The following ODAD4 variants were observed in gnomAD, a reference collection of about 807,000 sequenced individuals.
The protein encoded by ODAD4 is outer dynein arm docking complex subunit 4, also known as outer dynein arm-docking complex subunit 4.
In ODAD4, 49 loss-of-function variants were observed where a neutral mutation model predicts 51.8. The ratio of observed to expected loss-of-function variants is 0.95; its 90% CI spans 0.75 to 1.20. ODAD4 has a LOEUF of 1.20. ODAD4 is among the 50% of genes most tolerant of loss of function. The probability of loss-of-function intolerance (pLI) is 0.00; values close to 1 mark genes in which losing one functional copy is unlikely to be tolerated. For synonymous variants in ODAD4, 235 were observed against 221.3 expected (o/e 1.06, Z -0.55); for missense variants, 590 against 586.5 (o/e 1.01, Z -0.06).
chr17:41,954,534 GA>G (rs1378354316), intron 9 of ODAD4, among the ~76,000 whole-genome samples: 3 of 151,492 alleles, frequency 2.0e-5, no homozygotes, highest in Admixed American at 1.3e-4. Flanking sequence ...TATCATTTTT[GA>G]AAAAAATGAA....
intron 1 of ODAD4, 44 bp downstream of exon 1, chr17:41,930,881 CTTTTTTTTTTTTT>C (rs782820445): frequency 3.5e-4 from 34 of 97,230 alleles, no homozygotes; most frequent in African/African-American, 8.2e-4. Context: ...TCACCCGTCA[CTTTTTTTTTTTTT>C]TTTTTTTTTT....
chr17:41,945,381 C>G (rs918688200), intron 8 of ODAD4, 159 bp downstream of exon 8: 14 of 617,782 alleles, frequency 2.3e-5, no homozygotes, highest in Non-Finnish European at 1.4e-5. Context: ...GCATACTGTC[C>G]TGTGCCTGTG....
chr17:41,939,357 G>C (rs985644747), intron 7 of ODAD4, among the ~76,000 whole-genome samples, 185 bp downstream of exon 7: 5 of 152,182 alleles, frequency 3.3e-5, no homozygotes, highest in Non-Finnish European at 7.3e-5. Flanking sequence ...TAGACTGTTA[G>C]CTTTTTTGCC....
chr17:41,945,341 TACA>T (rs782051080), intron 8 of ODAD4, 119 bp downstream of exon 8: 4 of 368,454 alleles, frequency 1.1e-5, no homozygotes, highest in Non-Finnish European at 1.8e-5. Flanking sequence ...ACTCCCTCTC[TACA>T]AAAAAAAAAA....
chr17:41,931,225 CT>C (rs1216701203), intron 1 of ODAD4, among the ~76,000 whole-genome samples: 4 of 152,078 alleles, frequency 2.6e-5, no homozygotes, highest in African/African-American at 9.7e-5. Flanking sequence ...GCAGATAACA[CT>C]GAGGTCTTGA....
chr17:41,937,302 T>G (rs2050442874), intron 5 of ODAD4, among the ~76,000 whole-genome samples: 1 of 152,212 alleles, frequency 6.6e-6, no homozygotes, highest in African/African-American at 2.4e-5. Context: ...AGCGGATATG[T>G]GCTTAAATCC....
At position 41,936,938 on chromosome 17, in the gene ODAD4, C is replaced by A. The variant is rs185273543; in HGVS notation, c.625+11C>A. 68 of 1,612,310 alleles carry A rather than the reference C, an allele frequency of 4.2e-5. No individual in the cohort carries two copies. In the African/African-American group the frequency reaches 7.5e-4, roughly 18 times the overall value. On this transcript the variant is annotated intron_variant, in intron 5 of 11. Coordinates refer to ENST00000377540, the MANE Select transcript of ODAD4 (RefSeq NM_031421.5). ...TCCTATTGGATGAAGGTTTCGGACACTTTGTTGGCACGGGGCCTTGGGGGA... is the reference window on the plus strand; with the variant it reads ...TCCTATTGGATGAAGGTTTCGGACAATTTGTTGGCACGGGGCCTTGGGGGA...
At chr17:41,964,069 T>C (rs1337892502) in intron 11 of ODAD4, among the ~76,000 whole-genome samples, 2 of 151,100 alleles carry the variant, frequency 1.3e-5, no homozygotes, top group Non-Finnish European at 3.0e-5. Context: ...GTTAATTTTT[T>C]TTTTTTTTGA....
chr17:41,945,258 T>C (rs2050570197), intron 8 of ODAD4, 36 bp downstream of exon 8: 1 of 1,503,100 alleles, frequency 6.7e-7, no homozygotes, highest in Non-Finnish European at 9.2e-7. Flanking sequence ...CCCACCTCCA[T>C]GGTTAGAACT....
intron 9 of ODAD4, among the ~76,000 whole-genome samples, chr17:41,950,381 G>A (rs977519515): frequency 9.9e-5 from 15 of 150,848 alleles, no homozygotes; most frequent in African/African-American, 3.6e-4. Flanking sequence ...TCCTATGAGG[G>A]AAGCTTTTTT....
chr17:41,961,226 A>G (rs1043846319), intron 10 of ODAD4, among the ~76,000 whole-genome samples, 156 bp from the exon 11 acceptor site: 2 of 152,120 alleles, frequency 1.3e-5, no homozygotes, highest in African/African-American at 2.4e-5. Context: ...CAGTAAGTGT[A>G]GATTAACCTG....
At chr17:41,960,734 G>C (rs1403657989) in intron 10 of ODAD4, among the ~76,000 whole-genome samples, 1 of 152,204 alleles carries the variant, frequency 6.6e-6, no homozygotes, top group Non-Finnish European at 1.5e-5. Flanking sequence ...CTCACAGTGG[G>C]AGGGAGGTGG....
At chr17:41,950,786 G>A (rs998376113) in intron 9 of ODAD4, among the ~76,000 whole-genome samples, 18 of 152,142 alleles carry the variant, frequency 1.2e-4, no homozygotes, top group African/African-American at 3.6e-4. Flanking sequence ...TCGGCTCACT[G>A]CAACCTCTGT....
At chr17:41,931,762 G>A (rs571764155) in intron 1 of ODAD4, among the ~76,000 whole-genome samples, 5 of 152,076 alleles carry the variant, frequency 3.3e-5, no homozygotes, top group South Asian at 2.1e-4. Context: ...GGCTGGTGTC[G>A]AACTCCTGAC....
At chr17:41,930,864 C>T in intron 1 of ODAD4, 27 bp downstream of exon 1, 1 of 922,144 alleles carries the variant, frequency 1.1e-6, no homozygotes, top group South Asian at 1.5e-5. Flanking sequence ...ACCTATCCAT[C>T]ACCCCATCAC....
chr17:41,942,811 G>A (rs145179824), intron 7 of ODAD4, among the ~76,000 whole-genome samples: 3 of 152,296 alleles, frequency 2.0e-5, no homozygotes, highest in Admixed American at 6.5e-5. Flanking sequence ...CCTCGAAACC[G>A]GTTCAGCCCT....
rs558698645 is a variant in ODAD4, at chr17:41,963,983, G to A, written c.1529-1010G>A. Among the ~76,000 whole-genome samples, 4 of 151,032 alleles carry A rather than the reference G, an allele frequency of 2.6e-5. No homozygotes were observed. In the South Asian group the frequency reaches 6.3e-4, roughly 24 times the overall value. On this transcript the variant is annotated intron_variant, in intron 11 of 11. Coordinates refer to ENST00000377540, the MANE Select transcript of ODAD4 (RefSeq NM_031421.5). ...GCGATCTCGGCTCACTACAACCTCC[G>A]CCTCCTAGGTTCAAGTGATTCTCCT... is the stretch of plus-strand genomic sequence containing the variant.
intron 1 of ODAD4, among the ~76,000 whole-genome samples, chr17:41,933,340 A>T (rs1169147077): frequency 6.0e-5 from 9 of 150,948 alleles, no homozygotes; most frequent in African/African-American, 2.2e-4. Context: ...ACAAGAGTGA[A>T]ACTCTGTCTC....
At chr17:41,964,827 C>T (rs1205739429) in intron 11 of ODAD4, among the ~76,000 whole-genome samples, 166 bp from the exon 12 acceptor site, 1 of 151,886 alleles carries the variant, frequency 6.6e-6, no homozygotes, top group Non-Finnish European at 1.5e-5. Flanking sequence ...ATTTTTAGTA[C>T]AGACAGGGTC....
Sources: gnomAD v4.1 joint callset for allele counts (sites outside exome capture counted in the v4.1 genomes callset) on GRCh38, gnomAD v4.1.1 for gene constraint, MANE v1.5 for transcripts, NCBI Gene and HGNC (gene_info 2026-07-23, HGNC 2026-07-21) for gene names.